CREBRF: variants seen among roughly 807,000 people sequenced by gnomAD.
CREBRF encodes the protein UPF0474 protein C5orf41.
A neutral mutation model predicts 66.1 loss-of-function variants in CREBRF; 5 were observed. The ratio of observed to expected loss-of-function variants is 0.08; its 90% CI spans 0.04 to 0.16. CREBRF has a LOEUF of 0.16. Among genes scored for constraint, CREBRF ranks in the 10% least tolerant of loss-of-function variants. The probability of loss-of-function intolerance (pLI) is 1.00; values close to 1 mark genes in which losing one functional copy is unlikely to be tolerated. For synonymous variants in CREBRF, 229 were observed against 264.4 expected, an observed-to-expected ratio of 0.87 and a Z score of 1.30; for missense variants, 531 against 744.9, an observed-to-expected ratio of 0.71 and a Z score of 3.34.
chr5:173,092,970 A>G (rs185343252), intron 4 of CREBRF, among the ~76,000 whole-genome samples: 1 of 152,306 alleles, frequency 6.6e-6, no homozygotes, highest in Admixed American at 6.5e-5. Flanking sequence ...AAGTGAATAA[A>G]ATCTGCTTTG....
chr5:173,116,235 T>C (rs1414948659), intron 7 of CREBRF, among the ~76,000 whole-genome samples: 1 of 152,262 alleles, frequency 6.6e-6, no homozygotes, highest in East Asian at 1.9e-4. Flanking sequence ...CCTTACAGCT[T>C]TACCGAGGTA....
chr5:173,116,148 C>T (rs1170177302), intron 7 of CREBRF, among the ~76,000 whole-genome samples: 1 of 152,136 alleles, frequency 6.6e-6, no homozygotes, highest in African/African-American at 2.4e-5. Flanking sequence ...CCTCAAATCA[C>T]CAAGGCAGTC....
At chr5:173,070,139 T>C (rs2113678006) in intron 1 of CREBRF, among the ~76,000 whole-genome samples, 1 of 152,108 alleles carries the variant, frequency 6.6e-6, no homozygotes, top group Non-Finnish European at 1.5e-5. Context: ...GTGGTCTGTC[T>C]ACCTTGGCCT....
chr5:173,066,970 T>C (rs955881316), intron 1 of CREBRF, among the ~76,000 whole-genome samples: 1 of 151,894 alleles, frequency 6.6e-6, no homozygotes, highest in African/African-American at 2.4e-5. Context: ...GCCATCATCA[T>C]GCCTGATTAA....
At chr5:173,067,596 G>A (rs555424153) in intron 1 of CREBRF, among the ~76,000 whole-genome samples, 2 of 152,064 alleles carry the variant, frequency 1.3e-5, no homozygotes, top group South Asian at 2.1e-4. Context: ...TTAAATACTG[G>A]TAGTTACAAT....
intron 1 of CREBRF, among the ~76,000 whole-genome samples, chr5:173,070,746 A>G (rs924111041): frequency 7.9e-5 from 12 of 152,280 alleles, no homozygotes; most frequent in African/African-American, 2.6e-4. Context: ...TCAAGACTCA[A>G]TTTAACAAAC....
intron 1 of CREBRF, among the ~76,000 whole-genome samples, 152 bp downstream of exon 1, chr5:173,056,631 G>T (rs1757049655): frequency 6.6e-6 from 1 of 152,026 alleles, no homozygotes; most frequent in Admixed American, 6.5e-5. Flanking sequence ...ACGGCCGAGT[G>T]CTAGGGCGCG....
intron 1 of CREBRF, among the ~76,000 whole-genome samples, chr5:173,067,204 A>G (rs528020320): frequency 6.6e-6 from 1 of 152,190 alleles, no homozygotes; most frequent in Non-Finnish European, 1.5e-5. Context: ...CATTGCTTCC[A>G]GATTTTAGGC....
chr5:173,060,707 G>A (rs1581652054), intron 1 of CREBRF, among the ~76,000 whole-genome samples: 1 of 150,588 alleles, frequency 6.6e-6, no homozygotes, highest in African/African-American at 2.4e-5. Flanking sequence ...ATTATTTTAA[G>A]ACAAGGGTTG....
intron 1 of CREBRF, among the ~76,000 whole-genome samples, chr5:173,062,849 G>T (rs1450145863): frequency 6.7e-6 from 1 of 148,412 alleles, no homozygotes; most frequent in Admixed American, 6.8e-5. Context: ...CCGGGTTCAC[G>T]CCATTCTCCT....
rs747504238 is a variant in CREBRF, at chr5:173,086,509, A to G, written c.18A>G (p.Val6=). Residue 6 remains valine (V), a synonymous_variant, in exon 3 of 9, where the codon GTA becomes GTG. Transcript: ENST00000296953. MPQPS[V]SGMDPPFGDA... is the part of the protein sequence containing the mutation. ...AAATCACTCTGTTGTAGCCTAGTGT[A>G]AGCGGAATGGATCCGCCTTTCGGGG... The G allele has an allele frequency of 1.2e-6, 2 of 1,613,884 alleles. No individual in the cohort carries two copies. Among genetic ancestry groups the G allele is most frequent in the Admixed American group, 1.7e-5 (1 of 59,962 alleles).
At chr5:173,066,714 A>C (rs1315267223) in intron 1 of CREBRF, among the ~76,000 whole-genome samples, 1 of 151,436 alleles carries the variant, frequency 6.6e-6, no homozygotes, top group African/African-American at 2.4e-5. Context: ...ATTTCATATA[A>C]ATCTTTTGGT....
chr5:173,056,830 C>T (rs1033811555), intron 1 of CREBRF, among the ~76,000 whole-genome samples: 5 of 150,664 alleles, frequency 3.3e-5, no homozygotes, highest in Non-Finnish European at 5.9e-5. Context: ...CCGCTGCCTC[C>T]GAGCCCGGGG....
At chr5:173,072,926 A>C (rs939380861) in intron 1 of CREBRF, among the ~76,000 whole-genome samples, 1 of 152,218 alleles carries the variant, frequency 6.6e-6, no homozygotes, top group African/African-American at 2.4e-5. Context: ...GGTATGATTC[A>C]ACAAAATGAG....
chr5:173,119,480 G>T (rs1054295066), intron 7 of CREBRF, among the ~76,000 whole-genome samples: 1 of 152,018 alleles, frequency 6.6e-6, no homozygotes, highest in African/African-American at 2.4e-5. Context: ...GAGTTCTTTG[G>T]TATTAATATA....
chr5:173,092,427 T>A lies in CREBRF; in HGVS notation c.1222+1026T>A, dbSNP rs796217410. On this transcript the variant is annotated intron_variant, in intron 4 of 8. Coordinates refer to ENST00000296953, the MANE Select transcript of CREBRF (RefSeq NM_153607.3). ...CTGGTTCACTTTAGCATTTACATGC[T>A]TGGGCTTTTGGCGCTGTTGGCTTGT... 8.1e-6 allele frequency: 8 copies of A among 985,436 alleles called. No individual in the cohort carries two copies. The African/African-American group carries it at 1.4e-4, about 17-fold the overall frequency. 61.0% of individuals were successfully genotyped at this position (985,436 alleles called of 1,614,324 possible).
intron 4 of CREBRF, among the ~76,000 whole-genome samples, chr5:173,107,455 T>A (rs1056972796): frequency 4.6e-5 from 7 of 152,180 alleles, no homozygotes; most frequent in African/African-American, 1.7e-4. Flanking sequence ...GAATTAAGTA[T>A]TTTCTGAAAC....
intron 1 of CREBRF, among the ~76,000 whole-genome samples, chr5:173,076,534 T>A (rs144952336): frequency 6.6e-6 from 1 of 152,234 alleles, no homozygotes; most frequent in East Asian, 1.9e-4. Context: ...GTGGATCACC[T>A]GAGGTCAGGA....
At chr5:173,083,382 G>C (rs1338006119) in intron 2 of CREBRF, among the ~76,000 whole-genome samples, 1 of 152,126 alleles carries the variant, frequency 6.6e-6, no homozygotes, top group Non-Finnish European at 1.5e-5. Flanking sequence ...AAAGAAGATA[G>C]AGAAAAAACA....
Sources: gnomAD v4.1 joint callset for allele counts (sites outside exome capture counted in the v4.1 genomes callset) on GRCh38, gnomAD v4.1.1 for gene constraint, MANE v1.5 for transcripts, NCBI Gene and HGNC (gene_info 2026-07-23, HGNC 2026-07-21) for gene names.